The following MAP3K20 variants were observed in gnomAD, a reference collection of about 807,000 sequenced individuals.
MAP3K20 encodes the protein mitogen-activated protein kinase kinase kinase 20.
Under a neutral mutation model 85.7 loss-of-function variants are expected in MAP3K20, and 40 were observed. That is an observed-to-expected ratio of 0.47 (90% CI 0.36 to 0.61). The LOEUF (loss-of-function observed/expected upper bound fraction) is 0.61, where lower values mean the gene tolerates loss of function less well. MAP3K20 is among the 20% of genes least tolerant of loss of function. The pLI is 0.00. For synonymous variants in MAP3K20, 325 were observed against 327.7 expected (o/e 0.99, Z 0.09); for missense variants, 817 against 961.7 (o/e 0.85, Z 1.99).
At chr2:173,247,662 T>C (rs1296216988) in intron 16 of MAP3K20, among the ~76,000 whole-genome samples, 1 of 152,178 alleles carries the variant, frequency 6.6e-6, no homozygotes, top group Non-Finnish European at 1.5e-5. Flanking sequence ...GGTTGTTATA[T>C]ACTTAAAATT....
At chr2:173,223,691 T>C in intron 11 of MAP3K20, 3 of 985,390 alleles carry the variant, frequency 3.0e-6, no homozygotes, top group Non-Finnish European at 3.6e-6. Context: ...ACAAAAACAG[T>C]AGATAAATCT....
At chr2:173,087,391 G>A (rs1687172333) in intron 1 of MAP3K20, among the ~76,000 whole-genome samples, 1 of 152,210 alleles carries the variant, frequency 6.6e-6, no homozygotes, top group African/African-American at 2.4e-5. Flanking sequence ...TGTATATTGG[G>A]AAGTGCAGGC....
At chr2:173,195,152 A>G (rs1690785972) in intron 7 of MAP3K20, among the ~76,000 whole-genome samples, 1 of 151,770 alleles carries the variant, frequency 6.6e-6, no homozygotes, top group Non-Finnish European at 1.5e-5. Flanking sequence ...CACTGAAAGA[A>G]TAAGCCTTCT....
At chr2:173,247,210 T>C (rs1684937303) in intron 16 of MAP3K20, among the ~76,000 whole-genome samples, 4 of 152,212 alleles carry the variant, frequency 2.6e-5, no homozygotes, top group Admixed American at 2.6e-4. Flanking sequence ...TTACAAATGC[T>C]TCCCACTTGT....
chr2:173,183,815 T>C (rs77033943), intron 4 of MAP3K20, among the ~76,000 whole-genome samples: 2,462 of 152,312 alleles, frequency 0.016, 76 homozygotes, highest in African/African-American at 0.056. Flanking sequence ...GCAAATATAA[T>C]GTGATTTAGC....
At chr2:173,252,259 A>G (rs142859221) in intron 16 of MAP3K20, among the ~76,000 whole-genome samples, 2,349 of 152,336 alleles carry the variant, frequency 0.015, 38 homozygotes, top group Middle Eastern at 0.034. Flanking sequence ...GATTTCTCAC[A>G]AAGAGATACT....
At chr2:173,206,110 T>C (rs987406125) in intron 9 of MAP3K20, among the ~76,000 whole-genome samples, 12 of 152,230 alleles carry the variant, frequency 7.9e-5, no homozygotes, top group Admixed American at 1.3e-4. Flanking sequence ...CTGAAATTAT[T>C]TGCATTGAAT....
chr2:173,222,441 G>A (rs1392111002), intron 11 of MAP3K20: 1 of 985,650 alleles, frequency 1.0e-6, no homozygotes, highest in Non-Finnish European at 1.2e-6. Flanking sequence ...TACCACTGCT[G>A]GCCATGGAAG....
chr2:173,244,833 C>A lies in MAP3K20; in HGVS notation c.1359+5337C>A, dbSNP rs1307229974. On this transcript the variant is annotated intron_variant, in intron 16 of 19. Transcript: ENST00000375213. ...AGAACCCAAGAAAAAAAGGCTTCCT[C>A]CACATCCCAATTAACCAAGTTCTCA... 2.0e-5 allele frequency among the ~76,000 whole-genome samples: 3 copies of A among 152,178 alleles called. No homozygotes were observed. In the East Asian group the frequency reaches 5.8e-4, roughly 29 times the overall value.
intron 3 of MAP3K20, among the ~76,000 whole-genome samples, chr2:173,174,061 T>A (rs1488836203): frequency 6.6e-6 from 1 of 152,226 alleles, no homozygotes; most frequent in East Asian, 1.9e-4. Flanking sequence ...ACCAAAAGGA[T>A]GAAAGAATTA....
chr2:173,132,224 A>G (rs1270986600), intron 2 of MAP3K20, among the ~76,000 whole-genome samples: 1 of 152,190 alleles, frequency 6.6e-6, no homozygotes, highest in Non-Finnish European at 1.5e-5. Flanking sequence ...GAAAAAACAG[A>G]TCAGATCATG....
intron 1 of MAP3K20, among the ~76,000 whole-genome samples, chr2:173,087,487 G>A (rs2106143227): frequency 6.6e-6 from 1 of 152,276 alleles, no homozygotes; most frequent in East Asian, 1.9e-4. Flanking sequence ...AAACTTTCTT[G>A]GAATTAGAAT....
chr2:173,264,649 C>T (rs1024897834), intron 19 of MAP3K20, among the ~76,000 whole-genome samples: 1 of 152,162 alleles, frequency 6.6e-6, no homozygotes, highest in African/African-American at 2.4e-5. Context: ...AGTCAACTCT[C>T]CCGATCACGT....
chr2:173,181,217 C>CA (rs936046387), intron 3 of MAP3K20, among the ~76,000 whole-genome samples: 2 of 151,942 alleles, frequency 1.3e-5, no homozygotes, highest in East Asian at 1.9e-4. Flanking sequence ...TGGCCATAAT[C>CA]AAAAAAACAG....
At chr2:173,251,157 T>C (rs1685033828) in intron 16 of MAP3K20, among the ~76,000 whole-genome samples, 1 of 152,194 alleles carries the variant, frequency 6.6e-6, no homozygotes, top group Admixed American at 6.5e-5. Context: ...CATTACTTCA[T>C]AGATGCCACA....
intron 18 of MAP3K20, among the ~76,000 whole-genome samples, chr2:173,261,595 G>A (rs1685296063): frequency 6.6e-6 from 1 of 152,168 alleles, no homozygotes; most frequent in South Asian, 2.1e-4. Flanking sequence ...CACCATCAAA[G>A]GGACATGCAT....
chr2:173,118,858 A>G (rs560593774), intron 2 of MAP3K20, among the ~76,000 whole-genome samples: 1 of 152,316 alleles, frequency 6.6e-6, no homozygotes, highest in South Asian at 2.1e-4. Flanking sequence ...TATCAAATTA[A>G]TGGTTCTAGA....
intron 2 of MAP3K20, among the ~76,000 whole-genome samples, chr2:173,112,727 G>A (rs1056203890): frequency 6.6e-6 from 1 of 152,042 alleles, no homozygotes; most frequent in African/African-American, 2.4e-5. Context: ...TTATTGACTT[G>A]TGTATGTTAA....
intron 2 of MAP3K20, among the ~76,000 whole-genome samples, chr2:173,110,756 C>G (rs964810480): frequency 2.0e-5 from 3 of 152,140 alleles, no homozygotes; most frequent in African/African-American, 7.2e-5. Flanking sequence ...GCTGTTAATT[C>G]ATTGCTTTTT....
Sources: gnomAD v4.1 joint callset for allele counts (sites outside exome capture counted in the v4.1 genomes callset) on GRCh38, gnomAD v4.1.1 for gene constraint, MANE v1.5 for transcripts, NCBI Gene and HGNC (gene_info 2026-07-23, HGNC 2026-07-21) for gene names.